Variants in USP26 observed in about 807,000 individuals in gnomAD.
USP26 encodes ubiquitin specific peptidase 26.
For missense variants in USP26, 649 were observed against 642.3 expected, an observed-to-expected ratio of 1.01 and a Z score of -0.11; for synonymous variants, 236 against 240.6, an observed-to-expected ratio of 0.98 and a Z score of 0.18.
intron 5 of USP26, among the ~76,000 whole-genome samples, chrX:133,037,800 T>A (rs1449860605): frequency 8.9e-6 from 1 of 112,173 alleles, no homozygotes; most frequent in African/African-American, 3.2e-5. Context: ...TTCCTATCCA[T>A]GAACATGGAA....
chrX:133,055,796 T>C (rs1195135938), intron 5 of USP26, among the ~76,000 whole-genome samples: 1 of 111,812 alleles, frequency 8.9e-6, no homozygotes, highest in East Asian at 2.8e-4. Context: ...TGTGGCCTTT[T>C]CTTGGTGTGT....
intron 5 of USP26, among the ~76,000 whole-genome samples, chrX:133,049,557 T>A (rs1427338762): frequency 8.9e-6 from 1 of 112,352 alleles, no homozygotes; most frequent in East Asian, 2.8e-4. Context: ...TTTACTTCCT[T>A]GCTGAGTGCT....
intron 5 of USP26, among the ~76,000 whole-genome samples, chrX:133,045,070 T>G (rs2067433976): frequency 1.8e-5 from 2 of 112,005 alleles, no homozygotes; most frequent in Non-Finnish European, 3.8e-5. Context: ...CAATCTGTGC[T>G]CTGTGTCTAG....
intron 5 of USP26, among the ~76,000 whole-genome samples, chrX:133,069,316 T>C (rs2067523120): frequency 8.9e-6 from 1 of 111,960 alleles, no homozygotes; most frequent in African/African-American, 3.2e-5. Context: ...ACGAATATCT[T>C]TTATTTGTTA....
intron 5 of USP26, among the ~76,000 whole-genome samples, chrX:133,040,488 T>C (rs763456212): frequency 2.7e-5 from 3 of 111,838 alleles, no homozygotes; most frequent in Non-Finnish European, 5.6e-5. Context: ...GGGTTGAAAG[T>C]TCTTTTGTTT....
At chrX:133,061,720 A>G (rs890421571) in intron 5 of USP26, among the ~76,000 whole-genome samples, 2 of 111,734 alleles carry the variant, frequency 1.8e-5, no homozygotes, top group African/African-American at 3.3e-5. Context: ...CCCTTTCCCA[A>G]CCAAAGGAAG....
At chrX:133,086,757 C>CA (rs903298073) in intron 4 of USP26, among the ~76,000 whole-genome samples, 4 of 107,698 alleles carry the variant, frequency 3.7e-5, no homozygotes, top group Non-Finnish European at 7.7e-5. Flanking sequence ...ACTAAAAATA[C>CA]AAAAAAATTA....
At chrX:133,091,599 T>C (rs917283574) in intron 1 of USP26, among the ~76,000 whole-genome samples, 156 bp from the exon 2 acceptor site, 1 of 111,461 alleles carries the variant, frequency 9.0e-6, no homozygotes. Context: ...AGTAGAAAAA[T>C]ATGCCCCTGT....
intron 5 of USP26, among the ~76,000 whole-genome samples, chrX:133,050,405 A>T (rs1430918990): frequency 8.9e-6 from 1 of 111,998 alleles, no homozygotes; most frequent in Non-Finnish European, 1.9e-5. Flanking sequence ...ATGAAAACAT[A>T]GAATTAAGGC....
chrX:133,041,400 G>C (rs185593105), intron 5 of USP26, among the ~76,000 whole-genome samples: 8 of 111,806 alleles, frequency 7.2e-5, no homozygotes, highest in Non-Finnish European at 1.1e-4. Context: ...TTTTATTGAT[G>C]TTGATGTTGT....
chrX:133,053,993 A>T (rs1487184881), intron 5 of USP26, among the ~76,000 whole-genome samples: 1 of 111,814 alleles, frequency 8.9e-6, no homozygotes, highest in Non-Finnish European at 1.9e-5. Flanking sequence ...AAAAGTCAGA[A>T]AGTACAAGGA....
intron 5 of USP26, among the ~76,000 whole-genome samples, chrX:133,063,235 G>A (rs780283413): frequency 9.0e-6 from 1 of 111,519 alleles, no homozygotes; most frequent in East Asian, 2.8e-4. Context: ...TATGTGAAAA[G>A]ACCAAACCTA....
Position 133,025,532 on chromosome X carries a change from C to A in USP26, c.2689G>T (p.Glu897Ter), listed in dbSNP as rs748876997. 8.3e-7 allele frequency: 1 copy of A among 1,211,329 alleles called. No individual in the cohort carries two copies. The highest frequency in any genetic ancestry group is 1.1e-6 in the Non-Finnish European group (1 of 895,376). Residue 897 changes from glutamate to a stop codon, truncating the protein, a stop_gained, in exon 6 of 6, where the codon GAG becomes TAG. Transcript: ENST00000511190. LOFTEE classifies it low-confidence loss of function (END_TRUNC). ...TCCTTGCTATTAAGCTGGGCATTCT[C>A]TTCTCTTTTCAACATCTCTTCAAAG... is the stretch of plus-strand genomic sequence containing the variant. ...EIFEEMLKREENAQLNSKEVE... is the reference protein window; with the variant it reads ...EIFEEMLKRE
chrX:133,048,402 T>C (rs1164339866), intron 5 of USP26, among the ~76,000 whole-genome samples: 1 of 112,054 alleles, frequency 8.9e-6, no homozygotes, highest in Non-Finnish European at 1.9e-5. Context: ...GCTTTGATTG[T>C]TTGTATATCC....
rs139383150 is a variant in USP26, at chrX:133,027,078, G to A, written c.1143C>T (p.Asn381=). The A allele has an allele frequency of 1.8e-5, 22 of 1,209,201 alleles. No homozygotes were observed. The African/African-American group carries it at 2.6e-4, about 14-fold the overall frequency. The change falls in exon 6 of 6, where the codon AAC becomes AAT. Residue 381 remains asparagine (N), a synonymous_variant. Transcript: ENST00000511190. The stretch of plus-strand genomic sequence containing the variant: ...AGTGAGCTAAAAACTCATGAGCATC[G>A]TTCTGTGCATTGCCATGGAATATCT... ...AAEIFHGNAQ[N]DAHEFLAHCL... is the part of the protein sequence containing the mutation.
chrX:133,080,438 T>G (rs140760441), intron 5 of USP26, among the ~76,000 whole-genome samples: 475 of 111,074 alleles, frequency 4.3e-3, no homozygotes, highest in African/African-American at 0.015. Flanking sequence ...CACTGCAGAT[T>G]AAGGCACAGC....
Position 133,027,353 on chromosome X carries a change from G to T in USP26, c.868C>A (p.Pro290Thr). The T allele has an allele frequency of 8.3e-7, 1 of 1,210,357 alleles. No individual in the cohort carries two copies. The highest frequency in any genetic ancestry group is 1.1e-6 in the Non-Finnish European group (1 of 894,610). ...GGGAGGCCGTGGCATATTTTCTCTG[G>T]AAATAATTCAAAAAATAGTTTTAAT... ...DKLKLFFELF[P>T]EKICHGLPNL... is the part of the protein sequence containing the mutation. Residue 290 changes from proline (P) to threonine (T), a missense_variant, in exon 6 of 6, where the codon CCA becomes ACA. By Grantham distance (38) the Pro-to-Thr change is conservative. Coordinates refer to ENST00000511190, the MANE Select transcript of USP26 (RefSeq NM_031907.3).
intron 5 of USP26, among the ~76,000 whole-genome samples, chrX:133,049,827 T>A (rs1266980277): frequency 1.8e-5 from 2 of 112,132 alleles, no homozygotes; most frequent in Non-Finnish European, 3.8e-5. Context: ...CTTTCACCTC[T>A]AGCTATAGCC....
At position 133,081,359 on chromosome X, in the gene USP26, C is replaced by T. The variant is rs1048982396; in HGVS notation, c.-77+2348G>A. Reference sequence around the variant, plus strand: ...CACTCCAGGCTGGAGTGCAGTGGCACGATCTCCACTCACTGCAACCTCCGC... The same window carrying T: ...CACTCCAGGCTGGAGTGCAGTGGCATGATCTCCACTCACTGCAACCTCCGC... On this transcript the variant is annotated intron_variant, in intron 5 of 5. Transcript: ENST00000511190. Among the ~76,000 whole-genome samples, 8 of 30,968 alleles carry T rather than the reference C, an allele frequency of 2.6e-4. No individual in the cohort carries two copies. In the East Asian group the frequency reaches 3.3e-3, roughly 13 times the overall value. The allele number at this position is 30,968 out of a possible 115,157, so 26.9% of individuals were successfully genotyped here.
Sources: allele counts gnomAD v4.1 joint callset (sites outside exome capture counted in the v4.1 genomes callset), GRCh38; gene constraint gnomAD v4.1.1; transcripts MANE v1.5; gene names NCBI Gene and HGNC (gene_info 2026-07-23, HGNC 2026-07-21).